IQSEC1: variants seen among roughly 807,000 people sequenced by gnomAD.
The protein encoded by IQSEC1 is IQ motif and Sec7 domain ArfGEF 1, also known as IQ motif and SEC7 domain-containing protein 1.
Under a neutral mutation model 91.0 loss-of-function variants are expected in IQSEC1, and 31 were observed. The ratio of observed to expected loss-of-function variants is 0.34; its 90% CI spans 0.26 to 0.46. The LOEUF (loss-of-function observed/expected upper bound fraction) is 0.46, where lower values mean the gene tolerates loss of function less well. IQSEC1 is among the 20% of genes least tolerant of loss of function. IQSEC1 has a pLI of 1.00. For synonymous variants in IQSEC1, 699 were observed against 662.6 expected, an observed-to-expected ratio of 1.05 and a Z score of -0.84; for missense variants, 1,388 against 1,575.6, an observed-to-expected ratio of 0.88 and a Z score of 2.02.
chr3:13,111,973 C>G (rs530753563), intron 2 of IQSEC1, among the ~76,000 whole-genome samples: 73 of 152,284 alleles, frequency 4.8e-4, no homozygotes, highest in African/African-American at 1.7e-3. Context: ...CCTGCCATTG[C>G]CCTGGACAGC....
intron 1 of IQSEC1, among the ~76,000 whole-genome samples, chr3:13,071,153 GTTT>G (rs796412810): frequency 2.2e-5 from 2 of 90,972 alleles, no homozygotes; most frequent in Non-Finnish European, 4.6e-5. Flanking sequence ...GTTTTTTTTT[GTTT>G]TTTTTTTTTT....
intron 1 of IQSEC1, among the ~76,000 whole-genome samples, chr3:13,241,760 G>T (rs1007231459): frequency 1.3e-5 from 2 of 152,232 alleles, no homozygotes; most frequent in Non-Finnish European, 2.9e-5. Context: ...TCATCCCAGA[G>T]GGGGATAGCC....
At chr3:13,265,463 C>T (rs1276211724) in intron 1 of IQSEC1, among the ~76,000 whole-genome samples, 1 of 152,210 alleles carries the variant, frequency 6.6e-6, no homozygotes, top group South Asian at 2.1e-4. Context: ...AAATCACTCT[C>T]GAGATAACCT....
Position 13,047,464 on chromosome 3 carries a change from C to T in IQSEC1, c.23+25528G>A, listed in dbSNP as rs567067826. ...AGATCCTGGGGCAGGCTGGGGTGGA[C>T]GGCAAGACAGTACCTGTAGCGGTCA... On this transcript the variant is annotated intron_variant, in intron 1 of 13. Transcript: ENST00000613206. The T allele has an allele frequency of 2.1e-4, 208 of 985,118 alleles. No homozygotes were observed. In the African/African-American group the frequency reaches 3.0e-3, roughly 14 times the overall value. 61.0% of individuals were successfully genotyped at this position (985,118 alleles called of 1,614,324 possible).
intron 3 of IQSEC1, among the ~76,000 whole-genome samples, chr3:12,927,921 T>C (rs1012240862): frequency 5.6e-5 from 8 of 141,958 alleles, no homozygotes; most frequent in African/African-American, 2.1e-4. Context: ...ACAGGGACCC[T>C]GGGGGAAGGC....
intron 1 of IQSEC1, among the ~76,000 whole-genome samples, chr3:13,253,942 C>T (rs1289400603): frequency 6.6e-6 from 1 of 152,196 alleles, no homozygotes; most frequent in Non-Finnish European, 1.5e-5. Context: ...GTTTCCACCG[C>T]TGGAAATAGC....
At chr3:13,057,890 C>T (rs555900651) in intron 1 of IQSEC1, among the ~76,000 whole-genome samples, 104 of 152,370 alleles carry the variant, frequency 6.8e-4, no homozygotes, top group Middle Eastern at 6.8e-3. Flanking sequence ...AAAATCTGCC[C>T]CCAGGCTCCC....
rs556642002 is a variant in IQSEC1 at position 12,927,482 on chromosome 3, C to T, written c.1569-2740G>A. 2.6e-5 allele frequency among the ~76,000 whole-genome samples: 4 copies of T among 152,306 alleles called. No homozygotes were observed. In the South Asian group the frequency reaches 8.3e-4, roughly 32 times the overall value. ...TCTAACTCCACCCAGGCTGTCTGGT[C>T]CCTCCAGGCCACCGCTGCAGTGACC... is the stretch of plus-strand genomic sequence containing the variant. On this transcript the variant is annotated intron_variant, in intron 3 of 13. Transcript: ENST00000613206.
intron 1 of IQSEC1, among the ~76,000 whole-genome samples, chr3:12,976,200 C>T (rs1007966050): frequency 6.6e-5 from 10 of 152,254 alleles, no homozygotes; most frequent in Non-Finnish European, 1.2e-4. Flanking sequence ...CTGTACTCTC[C>T]TCCTGGGGTC....
chr3:12,922,125 C>T lies in IQSEC1; in HGVS notation c.1848G>A (p.Ala616=), dbSNP rs147742620. ...EAQKVERLIE[A]FSQRYCICNP... ...CCAGCCAGCCCGGGCCCCACCTGAA[C>T]GCCTCTATGAGCCGCTCCACTTTCT... Residue 616 remains alanine (A), a synonymous_variant, in exon 5 of 14, where the codon GCG becomes GCA. Coordinates refer to ENST00000613206, the MANE Select transcript of IQSEC1 (RefSeq NM_001134382.3). This position sits in a 1 kb window ranked among gnomAD's most constrained non-coding sequence, Gnocchi z 5.1. 144 of 1,595,824 alleles carry T rather than the reference C, an allele frequency of 9.0e-5. 1 individual carries two copies. Among genetic ancestry groups the T allele is most frequent in the Middle Eastern group, 1.7e-4 (1 of 6,002 alleles).
chr3:12,902,909 C>T, intron 12 of IQSEC1, 87 bp from the exon 13 acceptor site: 2 of 985,526 alleles, frequency 2.0e-6, no homozygotes, highest in African/African-American at 1.6e-5. Flanking sequence ...TGCCACGGAG[C>T]CTGCACCCCT....
At chr3:13,224,270 G>A (rs887696556) in intron 1 of IQSEC1, among the ~76,000 whole-genome samples, 1 of 152,090 alleles carries the variant, frequency 6.6e-6, no homozygotes, top group African/African-American at 2.4e-5. Flanking sequence ...GGTCCTGCCC[G>A]AACCCAGGAG....
chr3:13,212,966 A>G (rs529339137), intron 1 of IQSEC1, among the ~76,000 whole-genome samples: 124 of 152,338 alleles, frequency 8.1e-4, no homozygotes, highest in African/African-American at 2.8e-3. Context: ...CTTATCAAAT[A>G]TATGATTTGC....
intron 2 of IQSEC1, among the ~76,000 whole-genome samples, chr3:13,118,085 A>T (rs1706366143): frequency 6.6e-6 from 1 of 152,156 alleles, no homozygotes; most frequent in Non-Finnish European, 1.5e-5. Context: ...GTATAGTTTC[A>T]AATAGCGAGA....
At chr3:13,063,966 T>A (rs1363561948) in intron 1 of IQSEC1, among the ~76,000 whole-genome samples, 1 of 151,868 alleles carries the variant, frequency 6.6e-6, no homozygotes, top group African/African-American at 2.4e-5. Context: ...ATTAAACTTT[T>A]TATTTTGAGA....
chr3:12,915,456 AC>A, intron 7 of IQSEC1, 137 bp downstream of exon 7: 3 of 901,254 alleles, frequency 3.3e-6, no homozygotes, highest in South Asian at 1.7e-5. Context: ...ACTCGAAAAA[AC>A]CCCAAGCCCT....
chr3:13,049,804 C>G (rs1389329517), intron 1 of IQSEC1, among the ~76,000 whole-genome samples: 2 of 152,148 alleles, frequency 1.3e-5, no homozygotes, highest in African/African-American at 4.8e-5. Context: ...CAGGTATTAA[C>G]TCATTGAGCT....
At chr3:13,164,773 G>A (rs955445076) in intron 1 of IQSEC1, among the ~76,000 whole-genome samples, 7 of 152,206 alleles carry the variant, frequency 4.6e-5, no homozygotes, top group African/African-American at 1.7e-4. Flanking sequence ...AAGGGACTTT[G>A]GGATTAAACT....
At chr3:13,201,918 T>G (rs1018169168) in intron 1 of IQSEC1, among the ~76,000 whole-genome samples, 3 of 152,270 alleles carry the variant, frequency 2.0e-5, no homozygotes, top group African/African-American at 7.2e-5. Flanking sequence ...ATCAAAATCC[T>G]GCTAGTTAGG....
Sources: gnomAD v4.1 joint callset for allele counts (sites outside exome capture counted in the v4.1 genomes callset) on GRCh38, gnomAD v4.1.1 for gene constraint, Gnocchi (gnomAD v3.1) non-coding constraint, MANE v1.5 for transcripts, NCBI Gene and HGNC (gene_info 2026-07-23, HGNC 2026-07-21) for gene names.